DNAH14: variants seen among roughly 807,000 people sequenced by gnomAD.
DNAH14 encodes dynein axonemal heavy chain 14, also known as axonemal beta dynein heavy chain 14.
A neutral mutation model predicts 520.9 loss-of-function variants in DNAH14; 478 were observed. The ratio of observed to expected loss-of-function variants is 0.92; its 90% CI spans 0.85 to 0.99. The LOEUF is 0.99. DNAH14 is among the 50% of genes least tolerant of loss of function. The pLI, the probability that DNAH14 is intolerant of heterozygous loss-of-function variation, is 0.00. For synonymous variants in DNAH14, 1,581 were observed against 1,757.2 expected (o/e 0.90, Z 2.51); for missense variants, 4,831 against 5,234.5 (o/e 0.92, Z 2.38).
Position 225,208,477 on chromosome 1 carries a change from A to G in DNAH14, c.6439+1257A>G, listed in dbSNP as rs566694179. 1.5e-4 allele frequency among the ~76,000 whole-genome samples: 23 copies of G among 152,342 alleles called. 2 individuals carry two copies. In the South Asian group the frequency reaches 4.1e-3, roughly 27 times the overall value. Reference sequence around the variant, plus strand: ...AAAGAGGTTAAATATTATGTATTTTAAATATACAACAAATATGTTTCTATA... The same window carrying G: ...AAAGAGGTTAAATATTATGTATTTTGAATATACAACAAATATGTTTCTATA... On this transcript the variant is annotated intron_variant, in intron 41 of 85. Transcript: ENST00000682510.
intron 36 of DNAH14, among the ~76,000 whole-genome samples, chr1:225,169,309 G>A (rs1011895658): frequency 7.9e-5 from 12 of 151,506 alleles, no homozygotes; most frequent in African/African-American, 1.2e-4. Context: ...TGACTTTGAC[G>A]AGTTGAGAGA....
intron 42 of DNAH14, among the ~76,000 whole-genome samples, chr1:225,231,948 C>T (rs1229373977): frequency 1.3e-5 from 2 of 152,004 alleles, no homozygotes; most frequent in African/African-American, 4.8e-5. Flanking sequence ...ATACCATAAT[C>T]ACTCATATAT....
At chr1:225,186,255 G>A (rs991454621) in intron 37 of DNAH14, among the ~76,000 whole-genome samples, 1 of 151,338 alleles carries the variant, frequency 6.6e-6, no homozygotes. Context: ...ATCCTGCTTC[G>A]AGATTATACA....
chr1:225,367,661 T>C, intron 76 of DNAH14, 144 bp from the exon 77 acceptor site: 2 of 627,140 alleles, frequency 3.2e-6, no homozygotes, highest in South Asian at 2.1e-5. Context: ...AAGAATAACA[T>C]GAGATTTTGG....
intron 10 of DNAH14, among the ~76,000 whole-genome samples, chr1:225,013,965 G>T (rs570772720): frequency 3.3e-5 from 5 of 152,056 alleles, no homozygotes; most frequent in African/African-American, 4.8e-5. Flanking sequence ...GGAGTGAATG[G>T]TTCTGTCTCA....
chr1:225,331,691 A>C, intron 65 of DNAH14, 114 bp downstream of exon 65: 1 of 1,380,984 alleles, frequency 7.2e-7, no homozygotes, highest in Admixed American at 2.6e-5. Flanking sequence ...CTATCTAACT[A>C]TCCAGTTTCT....
At chr1:224,975,088 G>A (rs954595358) in intron 8 of DNAH14, among the ~76,000 whole-genome samples, 4 of 151,814 alleles carry the variant, frequency 2.6e-5, no homozygotes, top group Admixed American at 1.3e-4. Flanking sequence ...GCTTGATCAT[G>A]GTGGATAAGC....
intron 46 of DNAH14, 66 bp downstream of exon 46, chr1:225,259,319 A>G: frequency 1.7e-6 from 2 of 1,154,606 alleles, no homozygotes; most frequent in East Asian, 3.2e-5. Flanking sequence ...ATATATAAAT[A>G]TGCCTGTTTT....
At position 225,358,528 on chromosome 1, in the gene DNAH14, T is replaced by C; in HGVS notation, c.11652T>C (p.Asn3884=). Residue 3884 remains asparagine (N), a synonymous_variant, in exon 74 of 86, where the codon AAT becomes AAC. Transcript: ENST00000682510. ...VKVLRPESLN[N]SVRKFITEKM... ...TTCTTAGACCAGAAAGTTTAAACAA[T>C]TCAGTGAGAAAGTTTATAACTGAAA... 1 of 1,540,814 alleles carries C rather than the reference T, an allele frequency of 6.5e-7. No individual in the cohort carries two copies. The highest frequency in any genetic ancestry group is 8.8e-7 in the Non-Finnish European group (1 of 1,142,846).
chr1:225,140,097 T>C (rs940744677), intron 27 of DNAH14, among the ~76,000 whole-genome samples: 2 of 152,232 alleles, frequency 1.3e-5, no homozygotes, highest in African/African-American at 2.4e-5. Context: ...ATAGCTCTTA[T>C]GTTTCTTGAG....
chr1:225,090,829 A>G (rs1467558014), intron 21 of DNAH14, among the ~76,000 whole-genome samples: 1 of 152,176 alleles, frequency 6.6e-6, no homozygotes, highest in African/African-American at 2.4e-5. Context: ...GATTTCTTCA[A>G]TATGGCACCA....
At chr1:225,176,323 G>T (rs1314070886) in intron 36 of DNAH14, among the ~76,000 whole-genome samples, 1 of 151,986 alleles carries the variant, frequency 6.6e-6, no homozygotes, top group Admixed American at 6.6e-5. Context: ...ATACTTGATT[G>T]GATTTCCATT....
At chr1:225,002,966 A>T (rs755203957) in intron 9 of DNAH14, 39 bp downstream of exon 9, 3 of 1,416,200 alleles carry the variant, frequency 2.1e-6, no homozygotes, top group Non-Finnish European at 2.8e-6. Flanking sequence ...ATATTGGTAT[A>T]TAGAAACTAG....
chr1:225,227,437 G>A (rs1414325209), intron 41 of DNAH14, among the ~76,000 whole-genome samples: 4 of 152,188 alleles, frequency 2.6e-5, no homozygotes, highest in Admixed American at 2.0e-4. Context: ...TACAACACAT[G>A]TTTCTGCGAG....
intron 7 of DNAH14, among the ~76,000 whole-genome samples, 170 bp from the exon 8 acceptor site, chr1:224,973,921 G>A (rs1355869829): frequency 6.6e-6 from 1 of 152,088 alleles, no homozygotes; most frequent in Non-Finnish European, 1.5e-5. Flanking sequence ...TCTATATTCT[G>A]TTGATAGTTT....
chr1:225,298,479 T>C (rs1558305107), intron 55 of DNAH14, among the ~76,000 whole-genome samples: 3 of 152,290 alleles, frequency 2.0e-5, no homozygotes, highest in South Asian at 2.1e-4. Context: ...AGTGCAGGCA[T>C]TGGGGATTGG....
chr1:225,279,779 T>G (rs367958856), intron 54 of DNAH14, among the ~76,000 whole-genome samples: 1 of 151,946 alleles, frequency 6.6e-6, no homozygotes, highest in African/African-American at 2.4e-5. Context: ...GATAGGGAAG[T>G]GTGAGCTATA....
At chr1:225,029,267 G>A (rs541266575) in intron 11 of DNAH14, among the ~76,000 whole-genome samples, 6 of 152,064 alleles carry the variant, frequency 3.9e-5, no homozygotes, top group African/African-American at 9.6e-5. Context: ...TGGGCTAGGT[G>A]GGGGTGAGAG....
chr1:225,326,257 T>C (rs1231785960), intron 64 of DNAH14, among the ~76,000 whole-genome samples: 2 of 152,236 alleles, frequency 1.3e-5, no homozygotes, highest in Non-Finnish European at 2.9e-5. Context: ...GGTGCCCATG[T>C]TCTAACCTAG....
Sources: gnomAD v4.1 joint callset for allele counts (sites outside exome capture counted in the v4.1 genomes callset) on GRCh38, gnomAD v4.1.1 for gene constraint, MANE v1.5 for transcripts, NCBI Gene and HGNC (gene_info 2026-07-23, HGNC 2026-07-21) for gene names.